Variants in HEATR5B observed in about 807,000 individuals in gnomAD.
HEATR5B encodes HEAT repeat containing 5B, also known as HEAT repeat-containing protein 5B.
A neutral mutation model predicts 224.1 loss-of-function variants in HEATR5B; 156 were observed. The ratio of observed to expected loss-of-function variants is 0.70; its 90% CI spans 0.61 to 0.80. The LOEUF is 0.80. HEATR5B is among the 30% of genes least tolerant of loss of function. The probability of loss-of-function intolerance (pLI) is 0.00; values close to 1 mark genes in which losing one functional copy is unlikely to be tolerated. For missense variants in HEATR5B, 2,323 were observed against 2,535.5 expected, an observed-to-expected ratio of 0.92 and a Z score of 1.80; for synonymous variants, 1,027 against 893.0, an observed-to-expected ratio of 1.15 and a Z score of -2.68.
intron 5 of HEATR5B, 36 bp from the exon 6 acceptor site, chr2:37,072,317 T>A (rs913246601): frequency 6.9e-7 from 1 of 1,439,472 alleles, no homozygotes; most frequent in Non-Finnish European, 9.6e-7. Flanking sequence ...TAACATCCTA[T>A]AACATCTGCT....
chr2:37,049,898 ATTTTT>A, intron 17 of HEATR5B, 55 bp from the exon 18 acceptor site: 5 of 1,093,380 alleles, frequency 4.6e-6, no homozygotes, highest in Non-Finnish European at 6.1e-6. Context: ...CATTATTATT[ATTTTT>A]TTTTTAAGGC....
At chr2:37,018,448 G>C (rs1668261347) in intron 26 of HEATR5B, among the ~76,000 whole-genome samples, 1 of 152,160 alleles carries the variant, frequency 6.6e-6, no homozygotes, top group South Asian at 2.1e-4. Flanking sequence ...TCACGATCCA[G>C]AGACCTATCT....
rs1378028262 is a variant in HEATR5B at position 36,999,657 on chromosome 2, CA to C, written c.5545+928del. On this transcript the variant is annotated intron_variant, in intron 33 of 35. Coordinates refer to ENST00000233099, the MANE Select transcript of HEATR5B (RefSeq NM_019024.3). ...TCGTGCCAGTGAACTCCAGACTGGG[CA>C]ACACAGTGAGACCCTGTCTCAAAAA... Among the ~76,000 whole-genome samples the C allele has an allele frequency of 2.0e-5, 3 of 149,986 alleles. No homozygotes were observed. In the East Asian group the frequency reaches 5.9e-4, roughly 29 times the overall value.
Position 37,005,677 on chromosome 2 carries a change from GGTAT to G in HEATR5B, c.4856_4859del (p.His1619ProfsTer3). 1 of 1,613,196 alleles carries G rather than the reference GGTAT, an allele frequency of 6.2e-7. No individual in the cohort carries two copies. Among genetic ancestry groups the G allele is most frequent in the Non-Finnish European group, 8.5e-7 (1 of 1,179,234 alleles). On this transcript the variant is annotated frameshift_variant, in exon 30 of 36. Transcript: ENST00000233099. LOFTEE classifies it high-confidence loss of function. ...CTCGAGCATAAGGGGAGTCTAGCAA[GGTAT>G]GTAAGGCCTGCAGGCATGCTGTAAC...
At chr2:37,000,239 G>C (rs1001215651) in intron 33 of HEATR5B, among the ~76,000 whole-genome samples, 1 of 151,744 alleles carries the variant, frequency 6.6e-6, no homozygotes, top group African/African-American at 2.4e-5. Flanking sequence ...CACCATACCC[G>C]GCTAATTCTG....
chr2:37,054,684 T>C (rs1670793283), intron 16 of HEATR5B, among the ~76,000 whole-genome samples: 1 of 151,752 alleles, frequency 6.6e-6, no homozygotes, highest in African/African-American at 2.4e-5. Flanking sequence ...GATTTTACCA[T>C]GTTGGCCAGG....
At chr2:37,079,814 A>G (rs994752684) in intron 2 of HEATR5B, among the ~76,000 whole-genome samples, 1 of 152,222 alleles carries the variant, frequency 6.6e-6, no homozygotes, top group African/African-American at 2.4e-5. Context: ...TCTAGAATTC[A>G]TTTATTTATT....
In HEATR5B at chr2:37,002,682, A is replaced by G. The variant is rs955879808; in HGVS notation, c.5051-110T>C. The G allele has an allele frequency of 3.8e-6, 4 of 1,044,514 alleles. No individual in the cohort carries two copies. In the Admixed American group the frequency reaches 1.0e-4, roughly 26 times the overall value. 64.7% of individuals were successfully genotyped at this position (1,044,514 alleles called of 1,614,324 possible). On this transcript the variant is annotated intron_variant, in intron 31 of 35. Transcript: ENST00000233099. ...AAGAATTTATAAGCAAATGTCAAAT[A>G]ATGTCACACGTCCTTCTCTGTATAA...
intron 13 of HEATR5B, 52 bp downstream of exon 13, chr2:37,058,836 A>G (rs1671074637): frequency 9.4e-7 from 1 of 1,064,710 alleles, no homozygotes; most frequent in Non-Finnish European, 1.4e-6. Flanking sequence ...GCTGAGAAGT[A>G]TATTATTAAT....
In HEATR5B at chr2:37,008,687, G is replaced by A. The variant is rs1021182840; in HGVS notation, c.4446C>T (p.Arg1482=). Reference sequence around the variant, plus strand: ...AATCTTTTAATGCTGCTAACCACAGGCGACTGAGTGTTGGTAGTTCAGGTT... The same window carrying A: ...AATCTTTTAATGCTGCTAACCACAGACGACTGAGTGTTGGTAGTTCAGGTT... ...LVQPELPTLS[R]LWLAALKDYA... The change falls in exon 28 of 36, where the codon CGC becomes CGT. Residue 1482 remains arginine (R), a synonymous_variant. Coordinates refer to ENST00000233099, the MANE Select transcript of HEATR5B (RefSeq NM_019024.3). The A allele has an allele frequency of 6.2e-7, 1 of 1,614,016 alleles. No homozygotes were observed. The highest frequency in any genetic ancestry group is 1.3e-5 in the African/African-American group (1 of 74,924).
intron 28 of HEATR5B, 46 bp downstream of exon 28, chr2:37,008,565 A>T: frequency 7.7e-7 from 1 of 1,291,320 alleles, no homozygotes; most frequent in Non-Finnish European, 1.1e-6. Flanking sequence ...TTGTTTAACT[A>T]CTACTTTGAA....
In HEATR5B at chr2:37,053,791, C is replaced by T. The variant is rs193086673; in HGVS notation, c.2400-184G>A. On this transcript the variant is annotated intron_variant, in intron 16 of 35. Coordinates refer to ENST00000233099, the MANE Select transcript of HEATR5B (RefSeq NM_019024.3). ...TCTCCCAAAATATTATATGGACATG[C>T]GGTTATTAAATGGAACAAGAAAAGA... is the stretch of plus-strand genomic sequence containing the variant. 7.9e-5 allele frequency among the ~76,000 whole-genome samples: 12 copies of T among 151,900 alleles called. 1 individual carries two copies. The highest frequency in any genetic ancestry group is 1.9e-4 in the African/African-American group (8 of 41,326).
At chr2:37,076,364 A>G (rs761002555) in intron 4 of HEATR5B, among the ~76,000 whole-genome samples, 2 of 152,352 alleles carry the variant, frequency 1.3e-5, no homozygotes, top group Middle Eastern at 3.4e-3. Flanking sequence ...GACACAAAAC[A>G]CAAAGGGACA....
chr2:37,075,548 A>C lies in HEATR5B; in HGVS notation c.534T>G (p.Ile178Met), dbSNP rs146132158. ...TCAAGAGAGACCTGGCATTCTTGTAAATATCACGATGGGAGGAAGCTGCTG... is the reference window on the plus strand; with the variant it reads ...TCAAGAGAGACCTGGCATTCTTGTACATATCACGATGGGAGGAAGCTGCTG... The part of the protein sequence containing the change: ...GGAAASSHRD[I>M]YKNARSLLTD... Residue 178 changes from isoleucine to methionine, a missense_variant, in exon 5 of 36, where the codon ATT becomes ATG. Physicochemically the swap from Ile to Met is conservative, Grantham distance 10 (BLOSUM62 1). Transcript: ENST00000233099. The C allele has an allele frequency of 2.2e-5, 35 of 1,613,946 alleles. No homozygotes were observed. Among genetic ancestry groups the C allele is most frequent in the African/African-American group, 4.0e-5 (3 of 74,926 alleles).
At chr2:37,013,726 A>C (rs1667935610) in intron 27 of HEATR5B, 115 bp downstream of exon 27, 1 of 718,672 alleles carries the variant, frequency 1.4e-6, no homozygotes, top group Non-Finnish European at 2.2e-6. Flanking sequence ...AAAGTATTCC[A>C]TATCAAGGGT....
At chr2:36,992,582 AAAAC>A (rs765170258) in intron 33 of HEATR5B, among the ~76,000 whole-genome samples, 388 of 152,252 alleles carry the variant, frequency 2.5e-3, no homozygotes, top group Non-Finnish European at 3.7e-3. Context: ...CCCTGTCTCA[AAAAC>A]AAACAAACAA....
intron 22 of HEATR5B, among the ~76,000 whole-genome samples, chr2:37,031,434 CT>C (rs35877706): frequency 0.046 from 5,772 of 125,924 alleles, 145 homozygotes; most frequent in East Asian, 0.12. Flanking sequence ...TCTTTTCTTT[CT>C]TTTTTTTTTT....
In HEATR5B at chr2:37,028,059, G is replaced by C. The variant is rs1432681055; in HGVS notation, c.3717C>G (p.Pro1239=). 1 of 1,614,130 alleles carries C rather than the reference G, an allele frequency of 6.2e-7. No homozygotes were observed. The highest frequency in any genetic ancestry group is 8.5e-7 in the Non-Finnish European group (1 of 1,180,002). The change falls in exon 24 of 36, where the codon CCC becomes CCG. Residue 1239 remains proline (P), a synonymous_variant. Transcript: ENST00000233099. ...TTLGEEDKSK[P]FVAPRWATRV... ...GAGTGGCCCAGCGAGGGGCCACAAAGGGCTTTGATTTATCTTCTTCACCTA... is the reference window on the plus strand; with the variant it reads ...GAGTGGCCCAGCGAGGGGCCACAAACGGCTTTGATTTATCTTCTTCACCTA...
intron 20 of HEATR5B, among the ~76,000 whole-genome samples, chr2:37,038,638 G>C (rs1477312145): frequency 3.3e-5 from 5 of 152,138 alleles, no homozygotes; most frequent in Admixed American, 2.6e-4. Context: ...TTCCCAAAGA[G>C]GACAATGGGT....
Sources: allele counts gnomAD v4.1 joint callset (sites outside exome capture counted in the v4.1 genomes callset), GRCh38; gene constraint gnomAD v4.1.1; transcripts MANE v1.5; gene names NCBI Gene and HGNC (gene_info 2026-07-23, HGNC 2026-07-21).